The following SUMF1 variants were observed in gnomAD, a reference collection of about 807,000 sequenced individuals.
The protein encoded by SUMF1 is formylglycine-generating enzyme.
A neutral mutation model predicts 47.6 loss-of-function variants in SUMF1; 48 were observed. The observed-to-expected ratio is 1.01, with a 90% CI of 0.80 to 1.28. The LOEUF (loss-of-function observed/expected upper bound fraction) is 1.28, where lower values mean the gene tolerates loss of function less well. Among genes scored for constraint, SUMF1 ranks in the 50% most tolerant of loss-of-function variants. SUMF1 has a pLI of 0.00. For synonymous variants in SUMF1, 230 were observed against 192.1 expected, an observed-to-expected ratio of 1.20 and a Z score of -1.63; for missense variants, 571 against 485.4, an observed-to-expected ratio of 1.18 and a Z score of -1.66.
At chr3:4,178,573 C>T (rs1265158356) in intron 8 of SUMF1, among the ~76,000 whole-genome samples, 3 of 152,190 alleles carry the variant, frequency 2.0e-5, no homozygotes, top group Non-Finnish European at 2.9e-5. Context: ...GACAAACCCA[C>T]AGCCAATATC....
At chr3:4,104,325 G>C (rs926899675) in intron 8 of SUMF1, among the ~76,000 whole-genome samples, 1 of 152,122 alleles carries the variant, frequency 6.6e-6, no homozygotes. Flanking sequence ...CCCCAGTCAT[G>C]TGGAATTGTG....
chr3:4,103,492 C>T (rs528746881), intron 8 of SUMF1, among the ~76,000 whole-genome samples: 21 of 151,792 alleles, frequency 1.4e-4, no homozygotes, highest in Middle Eastern at 6.8e-3. Context: ...AGTGGTGAAA[C>T]GGATAAGCAA....
chr3:4,303,634 C>A, intron 8 of SUMF1: 1 of 1,418,656 alleles, frequency 7.0e-7, no homozygotes. Flanking sequence ...TTTGTCTTCT[C>A]TTACAGCGCA....
chr3:4,097,707 A>C (rs1480998767), intron 8 of SUMF1, among the ~76,000 whole-genome samples: 1 of 152,172 alleles, frequency 6.6e-6, no homozygotes, highest in Non-Finnish European at 1.5e-5. Flanking sequence ...CTCCAGGACA[A>C]TGTGCCACAT....
intron 8 of SUMF1, among the ~76,000 whole-genome samples, chr3:4,153,151 A>G (rs1475872562): frequency 2.0e-5 from 3 of 151,614 alleles, no homozygotes; most frequent in Non-Finnish European, 2.9e-5. Context: ...CCGTAAATAC[A>G]TACAATAAAA....
chr3:4,389,907 C>T (rs1319805598), intron 7 of SUMF1, among the ~76,000 whole-genome samples: 2 of 152,032 alleles, frequency 1.3e-5, no homozygotes, highest in African/African-American at 2.4e-5. Context: ...TTTTTTCTCC[C>T]ATGGTTTCTT....
At chr3:4,362,299 G>A (rs753730026) in intron 8 of SUMF1, 45 bp from the exon 9 acceptor site, 1 of 1,538,690 alleles carries the variant, frequency 6.5e-7, no homozygotes, top group Non-Finnish European at 9.0e-7. Flanking sequence ...GGGACTCTCA[G>A]CTGAAGGCTC....
chr3:4,135,386 C>A (rs932576172), intron 8 of SUMF1, among the ~76,000 whole-genome samples: 1 of 152,068 alleles, frequency 6.6e-6, no homozygotes, highest in African/African-American at 2.4e-5. Flanking sequence ...ATGATTATCT[C>A]AATAGATGCA....
chr3:4,465,305 T>A (rs1036507251), intron 1 of SUMF1, among the ~76,000 whole-genome samples: 1 of 152,060 alleles, frequency 6.6e-6, no homozygotes, highest in African/African-American at 2.4e-5. Flanking sequence ...TGAAACCCCA[T>A]CTCTATTAAA....
rs377114107 is a variant in SUMF1 at position 4,313,290 on chromosome 3, C to T, written c.1014+63040G>A. 2.5e-5 allele frequency: 40 copies of T among 1,613,794 alleles called. 1 individual carries two copies. In the African/African-American group the frequency reaches 4.0e-4, roughly 16 times the overall value. On this transcript the variant is annotated intron_variant and NMD_transcript_variant, in intron 8 of 12. Coordinates refer to the SUMF1 transcript ENST00000448413. The stretch of plus-strand genomic sequence containing the variant: ...TCTCTGAAGTTCAGAGAAGAATTCA[C>T]TTACAAACAAAATCCGACTCCAATT...
At chr3:4,338,907 A>C (rs1373545040) in intron 8 of SUMF1, among the ~76,000 whole-genome samples, 3 of 152,126 alleles carry the variant, frequency 2.0e-5, no homozygotes, top group Non-Finnish European at 2.9e-5. Context: ...TGAGACTGTA[A>C]GATCCTGGCG....
At chr3:4,111,305 G>T (rs1424262199) in intron 8 of SUMF1, among the ~76,000 whole-genome samples, 1 of 152,008 alleles carries the variant, frequency 6.6e-6, no homozygotes, top group Non-Finnish European at 1.5e-5. Context: ...ACATGGAAGT[G>T]GACCTGTGCA....
chr3:4,175,852 G>C (rs1279981304), intron 8 of SUMF1, among the ~76,000 whole-genome samples: 1 of 152,204 alleles, frequency 6.6e-6, no homozygotes, highest in East Asian at 1.9e-4. Flanking sequence ...AAATGACCTG[G>C]TGGAGCTGAA....
At chr3:4,384,880 T>G (rs1188943956) in intron 7 of SUMF1, among the ~76,000 whole-genome samples, 1 of 140,882 alleles carries the variant, frequency 7.1e-6, no homozygotes, top group Non-Finnish European at 1.5e-5. Flanking sequence ...TTCATTTTCT[T>G]TTTTCTTTTT....
chr3:4,366,792 CT>C (rs1468555552), intron 8 of SUMF1, among the ~76,000 whole-genome samples: 2 of 92,220 alleles, frequency 2.2e-5, no homozygotes, highest in Non-Finnish European at 4.2e-5. Context: ...GAGAGGCGCT[CT>C]GCTTTTTAAG....
chr3:4,277,353 T>C (rs1697440502), intron 8 of SUMF1, among the ~76,000 whole-genome samples: 1 of 152,154 alleles, frequency 6.6e-6, no homozygotes, highest in Non-Finnish European at 1.5e-5. Flanking sequence ...AAATTATAAT[T>C]ACATATAAAT....
At chr3:4,246,031 C>G (rs1696659892) in intron 8 of SUMF1, among the ~76,000 whole-genome samples, 1 of 152,182 alleles carries the variant, frequency 6.6e-6, no homozygotes, top group Non-Finnish European at 1.5e-5. Context: ...GCACTAGCAG[C>G]GAGCAAGGCT....
At chr3:4,304,333 G>A (rs1014059525) in intron 8 of SUMF1, among the ~76,000 whole-genome samples, 12 of 152,256 alleles carry the variant, frequency 7.9e-5, no homozygotes, top group African/African-American at 2.9e-4. Context: ...GTAGAGACAG[G>A]GTTTCTCCAT....
At chr3:4,127,535 G>C (rs795299) in intron 8 of SUMF1, among the ~76,000 whole-genome samples, 38,893 of 152,024 alleles carry the variant, frequency 0.26, 5,834 homozygotes, top group East Asian at 0.4. Flanking sequence ...TCTTTCTCTT[G>C]TGCTGGATGC....
Sources: allele counts gnomAD v4.1 joint callset (sites outside exome capture counted in the v4.1 genomes callset), GRCh38; gene constraint gnomAD v4.1.1; transcripts MANE v1.5; gene names NCBI Gene and HGNC (gene_info 2026-07-23, HGNC 2026-07-21).